The following JARID2 variants were observed in gnomAD, a reference collection of about 807,000 sequenced individuals.
JARID2 encodes jumonji and AT-rich interaction domain containing 2.
Under a neutral mutation model 125.6 loss-of-function variants are expected in JARID2, and 21 were observed. The ratio of observed to expected loss-of-function variants is 0.17; its 90% CI spans 0.12 to 0.24. The LOEUF is 0.24. Among genes scored for constraint, JARID2 ranks in the 10% least tolerant of loss-of-function variants. The pLI, the probability that JARID2 is intolerant of heterozygous loss-of-function variation, is 1.00. For synonymous variants in JARID2, 736 were observed against 661.6 expected, an observed-to-expected ratio of 1.11 and a Z score of -1.73; for missense variants, 1,303 against 1,639.6, an observed-to-expected ratio of 0.79 and a Z score of 3.55.
At chr6:15,374,047 GT>G (rs1764263142) in intron 1 of JARID2, 69 bp from the exon 2 acceptor site, 14 of 1,549,932 alleles carry the variant, frequency 9.0e-6, no homozygotes, top group Middle Eastern at 1.7e-4. Context: ...TTAAAATAAA[GT>G]TTATTTTGAC....
intron 2 of JARID2, 110 bp from the exon 3 acceptor site, chr6:15,410,114 C>G: frequency 1.0e-6 from 1 of 1,002,026 alleles, no homozygotes; most frequent in Non-Finnish European, 1.4e-6. Flanking sequence ...AAATTCTCTT[C>G]TATCCACATT....
rs745359329 is a variant in JARID2, at chr6:15,521,344, GAAA to G, written c.*1100_*1102del. The stretch of plus-strand genomic sequence containing the variant: ...TCATGTTGTAACAAAAAGGAAAAAA[GAAA>G]AAAAAATCCCATCCCTTTTGTACAT... On this transcript the variant is annotated 3_prime_UTR_variant, in exon 18 of 18. Coordinates refer to ENST00000341776, the MANE Select transcript of JARID2 (RefSeq NM_004973.4). The G allele has an allele frequency of 9.2e-5, 11 of 119,740 alleles. No individual in the cohort carries two copies. The highest frequency in any genetic ancestry group is 3.5e-4 in the African/African-American group (11 of 31,766). The allele number at this position is 119,740 out of a possible 1,614,324, so 7.4% of individuals were successfully genotyped here. A position where few individuals can be genotyped will look rare whatever the true frequency, so the allele number is the denominator to read the frequency against.
chr6:15,321,856 G>T (rs1051171268), intron 1 of JARID2, among the ~76,000 whole-genome samples: 1 of 121,548 alleles, frequency 8.2e-6, no homozygotes, highest in African/African-American at 3.2e-5. Context: ...GCAGCGGTGT[G>T]ATCTCGGCTC....
In JARID2 at chr6:15,497,016, C is replaced by T. The variant is rs750551741; in HGVS notation, c.1791C>T (p.Pro597=). ...TGATCCCCCCTCCGGACTGGCGGCCCGAGTGCAAGCTCAACGATGAGATGC... is the reference window on the plus strand; with the variant it reads ...TGATCCCCCCTCCGGACTGGCGGCCTGAGTGCAAGCTCAACGATGAGATGC... ...CRVIPPPDWR[P]ECKLNDEMRF... Residue 597 remains proline (P), a synonymous_variant, in exon 7 of 18, where the codon CCC becomes CCT. Transcript: ENST00000341776. The T allele has an allele frequency of 6.2e-6, 10 of 1,613,720 alleles. No individual in the cohort carries two copies. The Admixed American group carries it at 6.7e-5, about 11-fold the overall frequency.
intron 1 of JARID2, among the ~76,000 whole-genome samples, chr6:15,318,071 A>G (rs1291212271): frequency 6.6e-6 from 1 of 152,210 alleles, no homozygotes; most frequent in Non-Finnish European, 1.5e-5. Context: ...TGATTAAAGC[A>G]TGGTGGCGCA....
rs1033024684 is a variant in JARID2 at position 15,416,443 on chromosome 6, C to T, written c.323+6078C>T. Among the ~76,000 whole-genome samples the T allele has an allele frequency of 4.6e-5, 7 of 152,284 alleles. No individual in the cohort carries two copies. The South Asian group carries it at 6.2e-4, about 14-fold the overall frequency. ...GACTCCGTCTGCAATCCCGGCACCT[C>T]GGGAGGCCGAGGCTGGCGGATCACT... is the stretch of plus-strand genomic sequence containing the variant. On this transcript the variant is annotated intron_variant, in intron 3 of 17. Coordinates refer to ENST00000341776, the MANE Select transcript of JARID2 (RefSeq NM_004973.4).
At chr6:15,323,582 T>C (rs1762428156) in intron 1 of JARID2, among the ~76,000 whole-genome samples, 1 of 152,208 alleles carries the variant, frequency 6.6e-6, no homozygotes, top group African/African-American at 2.4e-5. Context: ...CATAAGACTT[T>C]TTAGGGGACA....
chr6:15,487,025 G>A (rs1330729861), intron 5 of JARID2, among the ~76,000 whole-genome samples: 1 of 152,080 alleles, frequency 6.6e-6, no homozygotes, highest in East Asian at 1.9e-4. Flanking sequence ...AAGTCGAAGG[G>A]GAAGCAAAGC....
chr6:15,444,125 C>T (rs962949449), intron 3 of JARID2, among the ~76,000 whole-genome samples: 4 of 152,166 alleles, frequency 2.6e-5, no homozygotes, highest in African/African-American at 9.7e-5. Flanking sequence ...GCTCCATCTC[C>T]AGAAGTACCA....
intron 1 of JARID2, among the ~76,000 whole-genome samples, chr6:15,284,720 C>A (rs964301758): frequency 5.3e-5 from 8 of 152,150 alleles, no homozygotes; most frequent in African/African-American, 1.7e-4. Flanking sequence ...CTCCTGACTT[C>A]AGGTGATCCA....
Position 15,513,238 on chromosome 6 carries a change from G to T in JARID2, c.3267-1G>T. ...TGCGGGCCGTCTCCCGTGTCTGGCA[G>T]GGATACAGAGCTGCGGCAGCGCAGG... On this transcript the variant is annotated splice_acceptor_variant, in intron 15 of 17. Coordinates refer to ENST00000341776, the MANE Select transcript of JARID2 (RefSeq NM_004973.4). LOFTEE classifies it high-confidence loss of function. 6.4e-7 allele frequency: 1 copy of T among 1,562,750 alleles called. No individual in the cohort carries two copies. Among genetic ancestry groups the T allele is most frequent in the South Asian group, 1.2e-5 (1 of 86,510 alleles).
chr6:15,249,334 T>TGG (rs533540269), intron 1 of JARID2, among the ~76,000 whole-genome samples: 1 of 151,708 alleles, frequency 6.6e-6, no homozygotes, highest in African/African-American at 2.4e-5. Flanking sequence ...GGTACTACGG[T>TGG]GGGGGGGCTT....
chr6:15,499,075 T>C (rs1387307738), intron 7 of JARID2, among the ~76,000 whole-genome samples: 1 of 152,146 alleles, frequency 6.6e-6, no homozygotes, highest in Non-Finnish European at 1.5e-5. Flanking sequence ...TGTGCCTCCC[T>C]GTGGTGTGCT....
At chr6:15,379,196 T>C (rs1265503373) in intron 2 of JARID2, among the ~76,000 whole-genome samples, 1 of 151,662 alleles carries the variant, frequency 6.6e-6, no homozygotes, top group African/African-American at 2.4e-5. Context: ...CTACTATTGG[T>C]AGGATATGTG....
chr6:15,497,466 G>C (rs548952860), intron 7 of JARID2, among the ~76,000 whole-genome samples: 4 of 152,066 alleles, frequency 2.6e-5, no homozygotes, highest in Admixed American at 6.5e-5. Context: ...TCGAGATCAC[G>C]GTGAAACCCC....
intron 4 of JARID2, among the ~76,000 whole-genome samples, chr6:15,463,444 T>C (rs1288240320): frequency 4.2e-5 from 2 of 47,992 alleles, no homozygotes; most frequent in African/African-American, 1.5e-4. Context: ...TTTTTTTTTT[T>C]TCCGAGGTGG....
intron 3 of JARID2, among the ~76,000 whole-genome samples, chr6:15,432,612 A>T (rs1767017333): frequency 6.6e-6 from 1 of 152,206 alleles, no homozygotes; most frequent in East Asian, 1.9e-4. Context: ...CCCCATGTGA[A>T]TGAAGAGGAT....
chr6:15,367,993 C>T (rs906700951), intron 1 of JARID2, among the ~76,000 whole-genome samples: 1 of 152,040 alleles, frequency 6.6e-6, no homozygotes, highest in Admixed American at 6.6e-5. Flanking sequence ...GAAGAGTTGG[C>T]TGTCACTGCA....
chr6:15,476,119 C>CTGAT (rs1459373501), intron 5 of JARID2, among the ~76,000 whole-genome samples: 1 of 152,150 alleles, frequency 6.6e-6, no homozygotes, highest in African/African-American at 2.4e-5. Context: ...AGAGGGATCA[C>CTGAT]CCCTGCTGAA....
Sources: gnomAD v4.1 joint callset for allele counts (sites outside exome capture counted in the v4.1 genomes callset) on GRCh38, gnomAD v4.1.1 for gene constraint, MANE v1.5 for transcripts, NCBI Gene and HGNC (gene_info 2026-07-23, HGNC 2026-07-21) for gene names.